The following NEDD4 variants were observed in gnomAD, a reference collection of about 807,000 sequenced individuals.
NEDD4 encodes NEDD4 E3 ubiquitin protein ligase, also known as E3 ubiquitin-protein ligase NEDD4.
NEDD4 carries 99 observed loss-of-function variants against 144.9 expected under a neutral mutation model. The observed-to-expected ratio is 0.68, with a 90% CI of 0.58 to 0.81. The LOEUF (loss-of-function observed/expected upper bound fraction) is 0.81, where lower values mean the gene tolerates loss of function less well. Ranked by LOEUF, NEDD4 falls within the 30% of genes least tolerant of loss-of-function variation. The pLI is 0.00. For synonymous variants in NEDD4, 318 were observed against 350.6 expected, an observed-to-expected ratio of 0.91 and a Z score of 1.04; for missense variants, 985 against 1,065.9, an observed-to-expected ratio of 0.92 and a Z score of 1.06.
rs954499312 is a variant in NEDD4, at chr15:55,828,266, A to G, written c.*1631T>C. On this transcript the variant is annotated 3_prime_UTR_variant, in exon 29 of 29. Coordinates refer to ENST00000435532, the MANE Select transcript of NEDD4 (RefSeq NM_006154.4). The stretch of plus-strand genomic sequence containing the variant: ...CAAACTTAAACCAAGAACCAGAGGT[A>G]CTTTTTACAGTTCTCACAGGGTGTG... The G allele has an allele frequency of 3.3e-5, 5 of 152,214 alleles. No homozygotes were observed. The highest frequency in any genetic ancestry group is 7.3e-5 in the Non-Finnish European group (5 of 68,040). 9.4% of individuals were successfully genotyped at this position (152,214 alleles called of 1,614,324 possible).
At chr15:55,973,815 A>G (rs1207362700) in intron 1 of NEDD4, among the ~76,000 whole-genome samples, 8 of 151,706 alleles carry the variant, frequency 5.3e-5, no homozygotes, top group Admixed American at 3.9e-4. Context: ...AAGTACCTAC[A>G]TGAAAAAGTA....
chr15:55,933,447 C>T (rs1333314037), intron 4 of NEDD4, among the ~76,000 whole-genome samples: 11 of 148,366 alleles, frequency 7.4e-5, no homozygotes, highest in East Asian at 4.0e-4. Flanking sequence ...CCAAACACCG[C>T]ATGTTCTCAC....
rs534063149 is a variant in NEDD4 at position 55,887,972 on chromosome 15, G to A, written c.292-13964C>T. On this transcript the variant is annotated intron_variant, in intron 5 of 28. Coordinates refer to ENST00000435532, the MANE Select transcript of NEDD4 (RefSeq NM_006154.4). ...ATAAAACACTACAAAAAATGGTATC[G>A]AAGAAATATAGCTCAACATAACAAA... is the stretch of plus-strand genomic sequence containing the variant. Among the ~76,000 whole-genome samples the A allele has an allele frequency of 2.7e-4, 41 of 152,134 alleles. 1 individual carries two copies. Among genetic ancestry groups the A allele is most frequent in the African/African-American group, 6.5e-4 (27 of 41,512 alleles).
chr15:55,847,227 G>A (rs140295093), intron 17 of NEDD4, among the ~76,000 whole-genome samples, 193 bp from the exon 18 acceptor site: 1 of 152,158 alleles, frequency 6.6e-6, no homozygotes, highest in African/African-American at 2.4e-5. Context: ...AGATAAAATT[G>A]TATTCAGCAA....
At chr15:55,841,673 G>A (rs994387902) in intron 19 of NEDD4, among the ~76,000 whole-genome samples, 1 of 152,114 alleles carries the variant, frequency 6.6e-6, no homozygotes, top group East Asian at 1.9e-4. Flanking sequence ...CCGGGTTCAC[G>A]CCATTCTCCT....
intron 5 of NEDD4, among the ~76,000 whole-genome samples, chr15:55,893,052 C>G (rs566360951): frequency 7.2e-5 from 11 of 152,128 alleles, no homozygotes; most frequent in Admixed American, 4.6e-4. Flanking sequence ...TTACAGTAAA[C>G]TAACCTGAGA....
chr15:55,931,617 T>C (rs1384577774), intron 4 of NEDD4, among the ~76,000 whole-genome samples: 1 of 152,122 alleles, frequency 6.6e-6, no homozygotes, highest in Non-Finnish European at 1.5e-5. Flanking sequence ...CCAAAAAATA[T>C]CCAGTTTTCC....
chr15:55,857,471 G>C (rs539482392), intron 11 of NEDD4, among the ~76,000 whole-genome samples: 1 of 152,166 alleles, frequency 6.6e-6, no homozygotes, highest in African/African-American at 2.4e-5. Context: ...TGGGATTACA[G>C]ACACACGCCA....
chr15:55,948,685 C>T (rs780436576), intron 4 of NEDD4, among the ~76,000 whole-genome samples: 2 of 151,970 alleles, frequency 1.3e-5, no homozygotes, highest in African/African-American at 4.8e-5. Flanking sequence ...ACAAACCTGA[C>T]AAAAACAAGA....
chr15:55,981,378 T>C (rs531546996), intron 1 of NEDD4, among the ~76,000 whole-genome samples: 1 of 150,540 alleles, frequency 6.6e-6, no homozygotes, highest in Non-Finnish European at 1.5e-5. Flanking sequence ...TTTTTTTTTC[T>C]TTTGAGCAAC....
intron 5 of NEDD4, among the ~76,000 whole-genome samples, chr15:55,901,517 G>A (rs2035914555): frequency 6.6e-6 from 1 of 152,152 alleles, no homozygotes; most frequent in Non-Finnish European, 1.5e-5. Flanking sequence ...GTGAGTATAA[G>A]TAAAAAGAAT....
At chr15:55,981,548 T>C (rs1289942093) in intron 1 of NEDD4, among the ~76,000 whole-genome samples, 2 of 152,176 alleles carry the variant, frequency 1.3e-5, no homozygotes, top group Non-Finnish European at 2.9e-5. Flanking sequence ...CAATTAGAAG[T>C]GTCCTTGTAA....
chr15:55,834,036 A>G lies in NEDD4; in HGVS notation c.2430+2T>C. ...GTTATGAAAATAGAAGTTTCAAATT[A>G]CCTTCCAAAACCACTGTATAACCTG... On this transcript the variant is annotated splice_donor_variant, in intron 26 of 28. Transcript: ENST00000435532. LOFTEE classifies it high-confidence loss of function. The G allele has an allele frequency of 6.3e-7, 1 of 1,599,078 alleles. No individual in the cohort carries two copies. Among genetic ancestry groups the G allele is most frequent in the Non-Finnish European group, 8.5e-7 (1 of 1,172,534 alleles).
At chr15:55,853,417 G>C (rs1279543514) in intron 12 of NEDD4, among the ~76,000 whole-genome samples, 4 of 152,146 alleles carry the variant, frequency 2.6e-5, no homozygotes, top group Non-Finnish European at 4.4e-5. Flanking sequence ...TTTTACTGGT[G>C]AGTAAACAGA....
At chr15:55,942,904 G>C (rs2037033854) in intron 4 of NEDD4, among the ~76,000 whole-genome samples, 2 of 152,156 alleles carry the variant, frequency 1.3e-5, no homozygotes, top group African/African-American at 4.8e-5. Context: ...TGCTGATAGT[G>C]ATATGAACAG....
At chr15:55,830,364 T>C (rs1167182581) in intron 28 of NEDD4, 150 bp downstream of exon 28, 4 of 718,524 alleles carry the variant, frequency 5.6e-6, no homozygotes, top group Non-Finnish European at 7.2e-6. Flanking sequence ...ACAAAACACC[T>C]GTTCGTTGGG....
intron 4 of NEDD4, among the ~76,000 whole-genome samples, chr15:55,932,366 A>C (rs892915504): frequency 8.5e-5 from 13 of 152,178 alleles, no homozygotes; most frequent in African/African-American, 2.4e-4. Flanking sequence ...ATAATACCAC[A>C]CATCTACAAC....
chr15:55,930,597 T>A (rs1375013509), intron 4 of NEDD4, among the ~76,000 whole-genome samples: 1 of 152,222 alleles, frequency 6.6e-6, no homozygotes, highest in East Asian at 1.9e-4. Flanking sequence ...TTCATTAGAC[T>A]GAAATGCTTA....
chr15:55,899,449 A>G (rs550072318), intron 5 of NEDD4, among the ~76,000 whole-genome samples: 3 of 152,336 alleles, frequency 2.0e-5, no homozygotes, highest in Admixed American at 6.5e-5. Flanking sequence ...ACTGAAGACT[A>G]TAACATATCA....
Sources: allele counts gnomAD v4.1 joint callset (sites outside exome capture counted in the v4.1 genomes callset), GRCh38; gene constraint gnomAD v4.1.1; transcripts MANE v1.5; gene names NCBI Gene and HGNC (gene_info 2026-07-23, HGNC 2026-07-21).